Variants in CDC42SE2 observed in about 807,000 individuals in gnomAD.
CDC42SE2 encodes the protein CDC42 small effector 2, also known as CDC42 small effector protein 2.
Under a neutral mutation model 11.5 loss-of-function variants are expected in CDC42SE2, and 3 were observed. The ratio of observed to expected loss-of-function variants is 0.26; its 90% confidence interval spans 0.12 to 0.67. CDC42SE2 has a LOEUF of 0.67. Ranked by LOEUF, CDC42SE2 falls within the 30% of genes least tolerant of loss-of-function variation. The pLI, the probability that CDC42SE2 is intolerant of heterozygous loss-of-function variation, is 0.80. For missense variants in CDC42SE2, 82 were observed against 106.8 expected (o/e 0.77, Z 1.02); for synonymous variants, 33 against 34.8 (o/e 0.95, Z 0.18).
intron 1 of CDC42SE2, among the ~76,000 whole-genome samples, chr5:131,269,735 G>C (rs534796293): frequency 3.3e-5 from 5 of 151,910 alleles, no homozygotes; most frequent in Admixed American, 2.0e-4. Context: ...CTGCACTCCT[G>C]CCTGGGCAAC....
At chr5:131,216,493 A>G in the CDC42SE2 span, among the ~76,000 whole-genome samples, 1 of 134,372 alleles carries the variant, frequency 7.4e-6, no homozygotes, top group African/African-American at 3.1e-5. Context: ...CAGAATGAGA[A>G]CCTGTCTCAA....
chr5:131,298,882 TTAATAACCTCTG>T (rs1418887799), intron 1 of CDC42SE2, among the ~76,000 whole-genome samples: 2 of 152,164 alleles, frequency 1.3e-5, no homozygotes, highest in African/African-American at 4.8e-5. Flanking sequence ...GCAGCCAGGA[TTAATAACCTCTG>T]TAATATAAAT....
At chr5:131,347,480 C>G (rs1174835289) in intron 2 of CDC42SE2, among the ~76,000 whole-genome samples, 46 of 152,164 alleles carry the variant, frequency 3.0e-4, no homozygotes, top group Non-Finnish European at 1.5e-5. Flanking sequence ...AGACCAATAA[C>G]AGGCTCTGAA....
chr5:131,363,182 G>T (rs1370056691), intron 3 of CDC42SE2, among the ~76,000 whole-genome samples: 1 of 150,234 alleles, frequency 6.7e-6, no homozygotes, highest in African/African-American at 2.4e-5. Flanking sequence ...CAGAACTATA[G>T]TGAATTCTTC....
the CDC42SE2 span, among the ~76,000 whole-genome samples, chr5:131,230,962 C>T: frequency 6.6e-6 from 1 of 152,122 alleles, no homozygotes; most frequent in Non-Finnish European, 1.5e-5. Flanking sequence ...AACATACATA[C>T]ACACACATGT....
intron 3 of CDC42SE2, among the ~76,000 whole-genome samples, chr5:131,379,658 C>T (rs1327139226): frequency 6.6e-6 from 1 of 152,024 alleles, no homozygotes; most frequent in Non-Finnish European, 1.5e-5. Context: ...CCTAATGTCC[C>T]CTCCACACTA....
At chr5:131,303,754 G>T (rs1221108138) in intron 1 of CDC42SE2, among the ~76,000 whole-genome samples, 2 of 152,134 alleles carry the variant, frequency 1.3e-5, no homozygotes, top group Admixed American at 6.5e-5. Flanking sequence ...TCATTCATTG[G>T]AGTTGTGCCA....
At chr5:131,339,044 G>A (rs1471588510) in intron 2 of CDC42SE2, among the ~76,000 whole-genome samples, 3 of 151,762 alleles carry the variant, frequency 2.0e-5, no homozygotes, top group African/African-American at 7.3e-5. Flanking sequence ...TCAGAAGATC[G>A]AGACCATACT....
At chr5:131,350,637 G>GTA (rs1554099787) in intron 2 of CDC42SE2, among the ~76,000 whole-genome samples, 29,379 of 147,464 alleles carry the variant, frequency 0.2, 3,190 homozygotes, top group East Asian at 0.33. Context: ...GTGTGTGTGT[G>GTA]TATATATATA....
the CDC42SE2 span, among the ~76,000 whole-genome samples, chr5:131,231,263 T>C: frequency 6.6e-6 from 1 of 152,210 alleles, no homozygotes; most frequent in Non-Finnish European, 1.5e-5. Flanking sequence ...AGATTAATGA[T>C]TGTATTTTCA....
rs530242618 is a variant in CDC42SE2, at chr5:131,265,928, A to G, written c.-455+1762A>G. ...CTTTGTAATAACATTTTCTGTTTTT[A>G]AAAATCCCCAGAGATAAACAGTAGA... is the stretch of plus-strand genomic sequence containing the variant. On this transcript the variant is annotated intron_variant, in intron 1 of 4. Transcript: ENST00000505065. Among the ~76,000 whole-genome samples the G allele has an allele frequency of 7.9e-5, 12 of 152,348 alleles. No individual in the cohort carries two copies. The South Asian group carries it at 2.5e-3, about 32-fold the overall frequency.
intron 1 of CDC42SE2, among the ~76,000 whole-genome samples, chr5:131,273,057 T>A (rs1157106033): frequency 6.6e-6 from 1 of 152,010 alleles, no homozygotes; most frequent in Admixed American, 6.6e-5. Flanking sequence ...GGGACATATG[T>A]TTAGACCTCT....
At chr5:131,323,146 C>T (rs1176517227) in intron 2 of CDC42SE2, among the ~76,000 whole-genome samples, 1 of 151,654 alleles carries the variant, frequency 6.6e-6, no homozygotes, top group Non-Finnish European at 1.5e-5. Flanking sequence ...TCCACATTAG[C>T]CCTCCAGGTA....
In CDC42SE2 at chr5:131,345,238, A is replaced by G. The variant is rs144995707; in HGVS notation, c.-285-13971A>G. 5.3e-5 allele frequency among the ~76,000 whole-genome samples: 8 copies of G among 152,298 alleles called. No homozygotes were observed. In the East Asian group the frequency reaches 1.5e-3, roughly 29 times the overall value. On this transcript the variant is annotated intron_variant, in intron 2 of 4. Transcript: ENST00000505065. ...AAGGAGAATGTTCGAACCTATCGCAAAGAAGCTAAAAACCTTGAAAAAAGA... is the reference window on the plus strand; with the variant it reads ...AAGGAGAATGTTCGAACCTATCGCAGAGAAGCTAAAAACCTTGAAAAAAGA...
chr5:131,270,439 A>G (rs150864009), intron 1 of CDC42SE2, among the ~76,000 whole-genome samples: 1 of 152,362 alleles, frequency 6.6e-6, no homozygotes, highest in African/African-American at 2.4e-5. Context: ...TGACTTAATA[A>G]AACTTTCACT....
chr5:131,314,618 T>A (rs561276042), intron 1 of CDC42SE2, among the ~76,000 whole-genome samples: 1 of 152,226 alleles, frequency 6.6e-6, no homozygotes, highest in East Asian at 1.9e-4. Flanking sequence ...TGAGTATTGA[T>A]CCTGCAACCT....
chr5:131,294,100 T>TA (rs1757520130), intron 1 of CDC42SE2, among the ~76,000 whole-genome samples: 1 of 152,128 alleles, frequency 6.6e-6, no homozygotes, highest in Admixed American at 6.6e-5. Flanking sequence ...GGCCACTACA[T>TA]ACAAGGATGC....
At chr5:131,371,612 T>G (rs1750014214) in intron 3 of CDC42SE2, among the ~76,000 whole-genome samples, 1 of 152,250 alleles carries the variant, frequency 6.6e-6, no homozygotes, top group Non-Finnish European at 1.5e-5. Context: ...CGTAGTCAAA[T>G]GCATGTGGGC....
At chr5:131,360,609 A>G (rs1749679804) in intron 3 of CDC42SE2, among the ~76,000 whole-genome samples, 2 of 152,212 alleles carry the variant, frequency 1.3e-5, no homozygotes, top group Non-Finnish European at 2.9e-5. Flanking sequence ...TGAATTATTT[A>G]TGGGTCTTCA....
Sources: gnomAD v4.1 joint callset for allele counts (sites outside exome capture counted in the v4.1 genomes callset) on GRCh38, gnomAD v4.1.1 for gene constraint, MANE v1.5 for transcripts, NCBI Gene and HGNC (gene_info 2026-07-23, HGNC 2026-07-21) for gene names.